The following INTS1 variants were observed in gnomAD, a reference collection of about 807,000 sequenced individuals.
INTS1 encodes integrator complex subunit 1.
Under a neutral mutation model 241.6 loss-of-function variants are expected in INTS1, and 137 were observed. The ratio of observed to expected loss-of-function variants is 0.57; its 90% CI spans 0.49 to 0.65. The LOEUF (loss-of-function observed/expected upper bound fraction) is 0.65, where lower values mean the gene tolerates loss of function less well. INTS1 is among the 30% of genes least tolerant of loss of function. The pLI is 0.00. For synonymous variants in INTS1, 1,692 were observed against 1,337.8 expected (o/e 1.26, Z -5.78); for missense variants, 3,073 against 3,032.2 (o/e 1.01, Z -0.32).
At position 1,483,826 on chromosome 7, in the gene INTS1, GTA is replaced by G; in HGVS notation, c.3455_3456del (p.Leu1152ProfsTer65). ...SWSESQDQVF[L>X]RWSSGETATM... ...GTGGCTGTCTCCCCGCTGCTCCAGC[GTA>G]GGAAGACCTGGTCCTGAGACTCCGA... is the stretch of plus-strand genomic sequence containing the variant. On this transcript the variant is annotated frameshift_variant, in exon 26 of 48. Transcript: ENST00000404767. LOFTEE classifies it high-confidence loss of function. 6.2e-7 allele frequency: 1 copy of G among 1,612,230 alleles called. No homozygotes were observed. Among genetic ancestry groups the G allele is most frequent in the Non-Finnish European group, 8.5e-7 (1 of 1,179,324 alleles).
Position 1,504,010 on chromosome 7 carries a change from G to A in INTS1, c.-41-9C>T, listed in dbSNP as rs1406119067. On this transcript the variant is annotated splice_polypyrimidine_tract_variant and intron_variant, in intron 1 of 47. Coordinates refer to ENST00000404767, the MANE Select transcript of INTS1 (RefSeq NM_001080453.3). Reference sequence around the variant, plus strand: ...GGCGGCTGCGGCGTCACCTGCGGAGGAGCCAGCGTGCGGTCATTCCTTCAC... The same window carrying A: ...GGCGGCTGCGGCGTCACCTGCGGAGAAGCCAGCGTGCGGTCATTCCTTCAC... The A allele has an allele frequency of 1.3e-5, 18 of 1,375,008 alleles. No individual in the cohort carries two copies. In the South Asian group the frequency reaches 1.5e-4, roughly 12 times the overall value. The allele number at this position is 1,375,008 out of a possible 1,614,324, so 85.2% of individuals were successfully genotyped here.
chr7:1,503,850 C>T (rs1482748858), intron 2 of INTS1, 53 bp downstream of exon 2: 1 of 1,299,708 alleles, frequency 7.7e-7, no homozygotes, highest in Non-Finnish European at 1.1e-6. Context: ...TCCCCAAAGA[C>T]CCCCAAAGAC....
intron 16 of INTS1, among the ~76,000 whole-genome samples, chr7:1,492,669 G>A (rs1782619125): frequency 6.6e-6 from 1 of 152,212 alleles, no homozygotes; most frequent in Non-Finnish European, 1.5e-5. Context: ...AGGAGAAAAA[G>A]GTATGACTGA....
At chr7:1,479,710 G>A (rs887107148) in intron 30 of INTS1, 26 bp from the exon 31 acceptor site, 2 of 1,448,962 alleles carry the variant, frequency 1.4e-6, no homozygotes, top group Non-Finnish European at 1.8e-6. Context: ...CCAGTGTCAG[G>A]AGGAAGCGGA....
Position 1,493,784 on chromosome 7 carries a change from C to T in INTS1, c.2038G>A (p.Val680Met). The change falls in exon 15 of 48, where the codon GTG becomes ATG. Residue 680 changes from valine (V) to methionine (M), a missense_variant. Val to Met is a conservative substitution (Grantham distance 21). Coordinates refer to ENST00000404767, the MANE Select transcript of INTS1 (RefSeq NM_001080453.3). The surrounding 1 kb of genome is among the most constrained non-coding windows in gnomAD (Gnocchi z 5.3). ...ADAMELADHL[V>M]KRAAAVQADD... ...GCCTGCACGGCAGCCGCCCGCTTCACCAGGTGGTCAGCAAGCTCCATGGCG... is the reference window on the plus strand; with the variant it reads ...GCCTGCACGGCAGCCGCCCGCTTCATCAGGTGGTCAGCAAGCTCCATGGCG... 6.3e-7 allele frequency: 1 copy of T among 1,579,434 alleles called. No homozygotes were observed. Among genetic ancestry groups the T allele is most frequent in the Non-Finnish European group, 8.6e-7 (1 of 1,164,096 alleles).
intron 40 of INTS1, 105 bp downstream of exon 40, chr7:1,474,600 T>C (rs889208936): frequency 1.4e-6 from 2 of 1,419,742 alleles, no homozygotes; most frequent in Non-Finnish European, 9.4e-7. Context: ...GAACATGCTT[T>C]TTTTTGTTGT....
Position 1,476,089 on chromosome 7 carries a change from G to C in INTS1, c.5379-18C>G, listed in dbSNP as rs1005688869. On this transcript the variant is annotated intron_variant, in intron 38 of 47. Transcript: ENST00000404767. ...CCAGCACGCTGGAAGAGGTGGAGCAGGGCTCACCAGGCGGACGGGGCCCCA... is the reference window on the plus strand; with the variant it reads ...CCAGCACGCTGGAAGAGGTGGAGCACGGCTCACCAGGCGGACGGGGCCCCA... The C allele has an allele frequency of 6.5e-7, 1 of 1,534,426 alleles. No homozygotes were observed. Among genetic ancestry groups the C allele is most frequent in the Non-Finnish European group, 8.8e-7 (1 of 1,141,000 alleles).
chr7:1,470,884 G>A lies in INTS1; in HGVS notation c.6419C>T (p.Ala2140Val), dbSNP rs754640136. Reference protein sequence around the residue: ...GSQDFEVVQTALRNLPEYALL... With the variant: ...GSQDFEVVQTVLRNLPEYALL... Reference sequence around the variant, plus strand: ...AGCGTACTCAGGCAGGTTCCGGAGGGCCGTCTGCACCACCTCAAAGTCCTG... The same window carrying A: ...AGCGTACTCAGGCAGGTTCCGGAGGACCGTCTGCACCACCTCAAAGTCCTG... The change falls in exon 47 of 48, where the codon GCC becomes GTC. Residue 2140 changes from alanine to valine, a missense_variant. Transcript: ENST00000404767. 20 of 1,594,332 alleles carry A rather than the reference G, an allele frequency of 1.3e-5. No homozygotes were observed. The Admixed American group carries it at 3.1e-4, about 25-fold the overall frequency.
In INTS1 at chr7:1,499,921, T is replaced by C. The variant is rs1283782748; in HGVS notation, c.647A>G (p.Tyr216Cys). 6.2e-7 allele frequency: 1 copy of C among 1,613,610 alleles called. No homozygotes were observed. Among genetic ancestry groups the C allele is most frequent in the Non-Finnish European group, 8.5e-7 (1 of 1,179,780 alleles). ...VLACNLLMAA[Y>C]EEDENWPEIF... ...CTCGGGCCAGTTCTCGTCCTCCTCG[T>C]AGGCGGCCATGAGGAGGTTACAGGC... The change falls in exon 5 of 48, where the codon TAC (tyrosine) becomes TGC (cysteine). Residue 216 changes from tyrosine (Y) to cysteine (C), a missense_variant. Coordinates refer to ENST00000404767, the MANE Select transcript of INTS1 (RefSeq NM_001080453.3).
At position 1,485,469 on chromosome 7, in the gene INTS1, C is replaced by T. The variant is rs1337506387; in HGVS notation, c.2977G>A (p.Gly993Ser). 2.5e-6 allele frequency: 4 copies of T among 1,611,832 alleles called. No homozygotes were observed. Among genetic ancestry groups the T allele is most frequent in the Non-Finnish European group, 3.4e-6 (4 of 1,179,790 alleles). ...QVASRVLAMK[G>S]LSLVLSEGSL... ...CCCTCCGAAAGCACCAGCGACAAAC[C>T]CTGTGGCAGACACTCATGAGCTGGG... is the stretch of plus-strand genomic sequence containing the variant. Residue 993 changes from glycine (G) to serine (S), a missense_variant and splice_region_variant, in exon 23 of 48, where the codon GGT becomes AGT. By Grantham distance (56) the Gly-to-Ser change is moderately conservative. Transcript: ENST00000404767.
chr7:1,473,139 G>A lies in INTS1; in HGVS notation c.6003C>T (p.Leu2001=), dbSNP rs761615375. 3.7e-6 allele frequency: 6 copies of A among 1,612,166 alleles called. No individual in the cohort carries two copies. The highest frequency in any genetic ancestry group is 2.7e-5 in the African/African-American group (2 of 74,944). Residue 2001 remains leucine (L), a synonymous_variant, in exon 43 of 48, where the codon CTC becomes CTT. Transcript: ENST00000404767. ...TGCTGGGCAGGCTGAGCCCTGCAAG[G>A]AGGGATTTCAGCATCACCAGGTCAC... ...DNSDLVMLKS[L]LAGLSLPSRD... is the part of the protein sequence containing the mutation.
At chr7:1,476,205 T>A (rs1347116021) in intron 38 of INTS1, 24 bp downstream of exon 38, 1 of 1,542,348 alleles carries the variant, frequency 6.5e-7, no homozygotes, top group Admixed American at 2.0e-5. Context: ...CCAGGCAGCA[T>A]CTGGGGCCGG....
chr7:1,478,531 C>T (rs1449737189), intron 32 of INTS1, 25 bp from the exon 33 acceptor site: 8 of 1,603,108 alleles, frequency 5.0e-6, no homozygotes, highest in South Asian at 1.1e-5. Flanking sequence ...TGTGAGTGCC[C>T]TGTGGCTCCA....
chr7:1,499,616 G>A lies in INTS1; in HGVS notation c.701C>T (p.Ser234Phe). Residue 234 changes from serine to phenylalanine, a missense_variant, in exon 6 of 48, where the codon TCC becomes TTC. Physicochemically the swap from Ser to Phe is radical, Grantham distance 155. Transcript: ENST00000404767. ...EIFVKVYIED[S>F]LGERIWVDSP... ...GTCCACCCAGATCCGCTCCCCCAGG[G>A]AGTCCTCGATGTACACCTGTGTGGC... The A allele has an allele frequency of 6.2e-7, 1 of 1,611,404 alleles. No homozygotes were observed. The highest frequency in any genetic ancestry group is 8.5e-7 in the Non-Finnish European group (1 of 1,178,496).
In INTS1 at chr7:1,474,200, C is replaced by T; in HGVS notation, c.5797G>A (p.Asp1933Asn). ...AGGCGGATGAAGGACAGAAGGCAGT[C>T]CCACAGCGCCCCCTGGTGCTCGCTG... is the stretch of plus-strand genomic sequence containing the variant. Reference protein sequence around the residue: ...FRSEHQGALWDCLLSFIRLLL... With the variant: ...FRSEHQGALWNCLLSFIRLLL... The change falls in exon 41 of 48, where the codon GAC (aspartate) becomes AAC (asparagine). Residue 1933 changes from aspartate (D) to asparagine (N), a missense_variant. Asp to Asn is a conservative substitution (Grantham distance 23, BLOSUM62 1). Coordinates refer to ENST00000404767, the MANE Select transcript of INTS1 (RefSeq NM_001080453.3). The T allele has an allele frequency of 1.3e-6, 2 of 1,588,126 alleles. No homozygotes were observed. The highest frequency in any genetic ancestry group is 1.7e-6 in the Non-Finnish European group (2 of 1,169,610).
rs777488401 is a variant in INTS1, at chr7:1,485,442, T to C, written c.3004A>G (p.Ser1002Gly). 1 of 1,612,650 alleles carries C rather than the reference T, an allele frequency of 6.2e-7. No individual in the cohort carries two copies. Residue 1002 changes from serine to glycine, a missense_variant, in exon 23 of 48, where the codon AGC becomes GGC. Transcript: ENST00000404767. ...TCCTTCTCCTCCCCGTCCCGCAGGC[T>C]GCCCTCCGAAAGCACCAGCGACAAA... The part of the protein sequence containing the change: ...KGLSLVLSEG[S>G]LRDGEEKEPP...
At position 1,497,380 on chromosome 7, in the gene INTS1, C is replaced by T. The variant is rs1375899323; in HGVS notation, c.1426-66G>A. On this transcript the variant is annotated intron_variant, in intron 10 of 47. Transcript: ENST00000404767. This position sits in a 1 kb window ranked among gnomAD's most constrained non-coding sequence, Gnocchi z 5.3. ...GCTGTCCCTGTCACAGGCCCCTTCC[C>T]GCAGCACCAACAGGTATGGCGCCCG... 57 of 1,522,230 alleles carry T rather than the reference C, an allele frequency of 3.7e-5. No homozygotes were observed. The highest frequency in any genetic ancestry group is 6.0e-5 in the Admixed American group (3 of 50,292). The allele number at this position is 1,522,230 out of a possible 1,614,324, so 94.3% of individuals were successfully genotyped here.
At chr7:1,498,289 G>A in intron 10 of INTS1, 123 bp downstream of exon 10, 1 of 1,439,110 alleles carries the variant, frequency 6.9e-7, no homozygotes, top group Non-Finnish European at 9.4e-7. Context: ...TCCTTCCCGA[G>A]ACCGAGGAGC....
Position 1,476,876 on chromosome 7 carries a change from G to A in INTS1, c.4981C>T (p.Leu1661=), listed in dbSNP as rs950440498. 2 of 1,612,652 alleles carry A rather than the reference G, an allele frequency of 1.2e-6. No homozygotes were observed. The highest frequency in any genetic ancestry group is 1.7e-6 in the Non-Finnish European group (2 of 1,179,806). ...CTGGACTGATGCGTGAAGAGGGTCA[G>A]GAGGTAGGGACGGAACGAGGGCACC... is the stretch of plus-strand genomic sequence containing the variant. The part of the protein sequence containing the change: ...AQVPSFRPYL[L]TLFTHQSSWP... Residue 1661 remains leucine, a synonymous_variant, in exon 36 of 48, where the codon CTG becomes TTG. Transcript: ENST00000404767.
Sources: allele counts gnomAD v4.1 joint callset (sites outside exome capture counted in the v4.1 genomes callset), GRCh38; gene constraint gnomAD v4.1.1; non-coding constraint Gnocchi (gnomAD v3.1); transcripts MANE v1.5; gene names NCBI Gene and HGNC (gene_info 2026-07-23, HGNC 2026-07-21).